PDZRN3: variants seen among roughly 807,000 people sequenced by gnomAD.
PDZRN3 encodes the protein PDZ domain containing ring finger 3, also known as E3 ubiquitin-protein ligase PDZRN3.
A neutral mutation model predicts 85.7 loss-of-function variants in PDZRN3; 38 were observed. That is an observed-to-expected ratio of 0.44 (90% CI 0.34 to 0.58). The LOEUF (loss-of-function observed/expected upper bound fraction) is 0.58. PDZRN3 is among the 20% of genes least tolerant of loss of function. The pLI is 0.01. For synonymous variants in PDZRN3, 759 were observed against 638.0 expected (o/e 1.19, Z -2.86); for missense variants, 1,629 against 1,506.4 (o/e 1.08, Z -1.35).
chr3:73,504,662 C>T (rs1294799757), intron 3 of PDZRN3, among the ~76,000 whole-genome samples: 3 of 152,134 alleles, frequency 2.0e-5, no homozygotes, highest in African/African-American at 4.8e-5. Context: ...TTTCTGAGGG[C>T]TTCATTTTCA....
intron 3 of PDZRN3, among the ~76,000 whole-genome samples, chr3:73,427,441 C>CA (rs1027136788): frequency 1.7e-4 from 26 of 152,276 alleles, no homozygotes; most frequent in African/African-American, 5.5e-4. Context: ...CCCACCCCCC[C>CA]ACCACCGCCC....
chr3:73,464,134 C>T (rs147472773), intron 3 of PDZRN3, among the ~76,000 whole-genome samples: 43 of 152,232 alleles, frequency 2.8e-4, no homozygotes, highest in African/African-American at 9.4e-4. Context: ...CACAGACGCA[C>T]ATCACCACAC....
Position 73,416,153 on chromosome 3 carries a change from T to A in PDZRN3, c.919-11758A>T, listed in dbSNP as rs1475062741. Among the ~76,000 whole-genome samples, 3 of 151,908 alleles carry A rather than the reference T, an allele frequency of 2.0e-5. No individual in the cohort carries two copies. The East Asian group carries it at 5.8e-4, about 30-fold the overall frequency. ...TGTGTGAAGAAGAGATTAGAAAAAATTAGGATGACATGGGACAGGAAGGGT... is the reference window on the plus strand; with the variant it reads ...TGTGTGAAGAAGAGATTAGAAAAAAATAGGATGACATGGGACAGGAAGGGT... On this transcript the variant is annotated intron_variant, in intron 3 of 9. Transcript: ENST00000263666.
chr3:73,515,788 T>C (rs954161578), intron 3 of PDZRN3, among the ~76,000 whole-genome samples: 8 of 152,210 alleles, frequency 5.3e-5, no homozygotes, highest in East Asian at 1.9e-4. Flanking sequence ...CATTTTCACA[T>C]GGATTTCAAT....
In PDZRN3 at chr3:73,384,544, G is replaced by T. The variant is rs1701312376; in HGVS notation, c.2022C>A (p.Gly674=). ...TGTCCACGCTCTCAGGGTCACTCTT[G>T]CCGGCGTCCAGGGGGCCGCTAGGGT... ...LYYPSGPLDA[G]KSDPESVDKE... Residue 674 remains glycine (G), a synonymous_variant, in exon 10 of 10, where the codon GGC becomes GGA. Transcript: ENST00000263666. 6.2e-7 allele frequency: 1 copy of T among 1,613,716 alleles called. No individual in the cohort carries two copies. Among genetic ancestry groups the T allele is most frequent in the Middle Eastern group, 1.7e-4 (1 of 6,060 alleles).
chr3:73,622,834 A>G (rs1228506775), intron 1 of PDZRN3, among the ~76,000 whole-genome samples: 2 of 152,156 alleles, frequency 1.3e-5, no homozygotes, highest in African/African-American at 4.8e-5. Context: ...AGTACTTCCT[A>G]TTGTTGGTGG....
chr3:73,443,521 T>C (rs1159485830), intron 3 of PDZRN3, among the ~76,000 whole-genome samples: 3 of 148,564 alleles, frequency 2.0e-5, no homozygotes, highest in African/African-American at 5.1e-5. Flanking sequence ...GCGCTTGCTT[T>C]GTCGCCCAGG....
intron 3 of PDZRN3, among the ~76,000 whole-genome samples, chr3:73,498,795 G>C (rs1199248143): frequency 6.6e-6 from 1 of 152,102 alleles, no homozygotes; most frequent in Non-Finnish European, 1.5e-5. Flanking sequence ...TGTTGGTTAG[G>C]CTGGTTCTCG....
chr3:73,444,689 T>C (rs1487982131), intron 3 of PDZRN3, among the ~76,000 whole-genome samples: 4 of 151,824 alleles, frequency 2.6e-5, no homozygotes, highest in African/African-American at 7.3e-5. Flanking sequence ...AGAGTGGAGG[T>C]AGTGGTGGAG....
In PDZRN3 at chr3:73,456,124, T is replaced by C. The variant is rs75071041; in HGVS notation, c.919-51729A>G. Among the ~76,000 whole-genome samples the C allele has an allele frequency of 1.4e-3, 214 of 152,306 alleles. 5 individuals carry two copies. The East Asian group carries it at 0.033, about 24-fold the overall frequency. On this transcript the variant is annotated intron_variant, in intron 3 of 9. Transcript: ENST00000263666. ...GAATGGTGTTAGGGCAGAAACCTAATACATTGTTCATATGGTCTACGTATA... is the reference window on the plus strand; with the variant it reads ...GAATGGTGTTAGGGCAGAAACCTAACACATTGTTCATATGGTCTACGTATA...
rs947841460 is a variant in PDZRN3 at position 73,618,355 on chromosome 3, G to A, written c.723+5748C>T. Among the ~76,000 whole-genome samples, 12 of 152,122 alleles carry A rather than the reference G, an allele frequency of 7.9e-5. No individual in the cohort carries two copies. The East Asian group carries it at 1.2e-3, about 15-fold the overall frequency. On this transcript the variant is annotated intron_variant, in intron 1 of 9. Transcript: ENST00000263666. ...GTGTGAGACTTCAGAGAAGGGCACC[G>A]CCCCAGGAAAAAATTCTTTTCTTAT...
At chr3:73,406,746 A>G (rs1445979078) in intron 3 of PDZRN3, among the ~76,000 whole-genome samples, 2 of 152,158 alleles carry the variant, frequency 1.3e-5, no homozygotes, top group African/African-American at 4.8e-5. Flanking sequence ...TAAGAATGGG[A>G]TTTTCTTACT....
intron 3 of PDZRN3, among the ~76,000 whole-genome samples, chr3:73,462,824 G>C (rs1241507206): frequency 6.6e-6 from 1 of 152,098 alleles, no homozygotes; most frequent in Non-Finnish European, 1.5e-5. Context: ...TTTAACATTT[G>C]CAACTACCTT....
At chr3:73,481,972 C>A (rs1703570907) in intron 3 of PDZRN3, among the ~76,000 whole-genome samples, 1 of 152,094 alleles carries the variant, frequency 6.6e-6, no homozygotes, top group Non-Finnish European at 1.5e-5. Context: ...TCCTAAATCA[C>A]AGCCTAGCAT....
At chr3:73,511,392 G>T (rs1704161560) in intron 3 of PDZRN3, among the ~76,000 whole-genome samples, 2 of 151,620 alleles carry the variant, frequency 1.3e-5, no homozygotes. Context: ...CTCCAGCCCT[G>T]GGTGTCGGCT....
chr3:73,465,673 G>A (rs1363377109), intron 3 of PDZRN3, among the ~76,000 whole-genome samples: 2 of 152,160 alleles, frequency 1.3e-5, no homozygotes, highest in Admixed American at 1.3e-4. Flanking sequence ...TTTTCTTTCT[G>A]CAATATCTTT....
intron 3 of PDZRN3, among the ~76,000 whole-genome samples, chr3:73,548,179 C>G (rs1701471850): frequency 6.6e-6 from 1 of 152,152 alleles, no homozygotes. Flanking sequence ...TGATATCCAC[C>G]AGCTAACCTT....
At chr3:73,419,765 C>T (rs1038545621) in intron 3 of PDZRN3, among the ~76,000 whole-genome samples, 18 of 152,182 alleles carry the variant, frequency 1.2e-4, no homozygotes, top group Non-Finnish European at 2.4e-4. Flanking sequence ...ATATACGTGT[C>T]TTAATTGCTA....
chr3:73,557,696 T>C (rs756922246), intron 3 of PDZRN3, among the ~76,000 whole-genome samples: 11 of 152,200 alleles, frequency 7.2e-5, no homozygotes, highest in Non-Finnish European at 1.2e-4. Flanking sequence ...GTCTTATGTC[T>C]TATGACTAAC....
Sources: allele counts gnomAD v4.1 joint callset (sites outside exome capture counted in the v4.1 genomes callset), GRCh38; gene constraint gnomAD v4.1.1; transcripts MANE v1.5; gene names NCBI Gene and HGNC (gene_info 2026-07-23, HGNC 2026-07-21).